Variants in ISX observed in about 807,000 individuals in gnomAD.
ISX encodes the protein intestine-specific homeobox.
In ISX, 15 loss-of-function variants were observed where a neutral mutation model predicts 16.9. The observed-to-expected ratio is 0.89, with a 90% CI of 0.59 to 1.36. ISX has a LOEUF of 1.36. ISX is among the 40% of genes most tolerant of loss of function. The probability of loss-of-function intolerance (pLI) is 0.00; values close to 1 mark genes in which losing one functional copy is unlikely to be tolerated. For missense variants in ISX, 316 were observed against 306.1 expected, an observed-to-expected ratio of 1.03 and a Z score of -0.24; for synonymous variants, 125 against 119.7, an observed-to-expected ratio of 1.04 and a Z score of -0.29.
In ISX at chr22:35,082,504, C is replaced by T. The variant is rs374117509; in HGVS notation, c.230-14C>T. 2 of 1,613,122 alleles carry T rather than the reference C, an allele frequency of 1.2e-6. No individual in the cohort carries two copies. The highest frequency in any genetic ancestry group is 1.7e-6 in the Non-Finnish European group (2 of 1,179,424). ...CCAAGGCCACTGACACAACTTGGAC[C>T]CTCTCCCATGCAGAAGGAAGGAAGA... On this transcript the variant is annotated splice_polypyrimidine_tract_variant and intron_variant, in intron 2 of 4. Coordinates refer to ENST00000404699, the MANE Select transcript of ISX (RefSeq NM_001303508.2).
At chr22:35,080,084 C>A (rs1929088596) in intron 2 of ISX, among the ~76,000 whole-genome samples, 1 of 152,160 alleles carries the variant, frequency 6.6e-6, no homozygotes, top group South Asian at 2.1e-4. Context: ...GCTGACTGTG[C>A]CTTCTTTCAG....
At chr22:35,067,400 A>G (rs1205530809) in intron 2 of ISX, 84 bp downstream of exon 2, 5 of 927,224 alleles carry the variant, frequency 5.4e-6, no homozygotes, top group African/African-American at 3.4e-5. Context: ...TTCTCCGTCC[A>G]TATTAACTGG....
At chr22:35,076,474 T>G (rs1601558770) in intron 2 of ISX, among the ~76,000 whole-genome samples, 1 of 151,406 alleles carries the variant, frequency 6.6e-6, no homozygotes, top group South Asian at 2.1e-4. Context: ...CCAGCGCAGG[T>G]GGGCCATGGG....
chr22:35,071,830 T>C (rs1442349916), intron 2 of ISX, among the ~76,000 whole-genome samples: 1 of 152,134 alleles, frequency 6.6e-6, no homozygotes, highest in African/African-American at 2.4e-5. Flanking sequence ...TCCCTGTTCC[T>C]CACTTCTTTC....
At chr22:35,069,111 T>C (rs571912042) in intron 2 of ISX, among the ~76,000 whole-genome samples, 29 of 152,362 alleles carry the variant, frequency 1.9e-4, no homozygotes, top group African/African-American at 7.0e-4. Flanking sequence ...TCAATAGTCC[T>C]GTAATTACTT....
At chr22:35,069,559 C>G (rs750533683) in intron 2 of ISX, among the ~76,000 whole-genome samples, 7 of 152,180 alleles carry the variant, frequency 4.6e-5, no homozygotes, top group Admixed American at 1.3e-4. Context: ...GCAGGATTCC[C>G]TTGTGGTGAT....
At chr22:35,077,057 AC>A (rs2146291718) in intron 2 of ISX, among the ~76,000 whole-genome samples, 1 of 151,852 alleles carries the variant, frequency 6.6e-6, no homozygotes, top group East Asian at 1.9e-4. Flanking sequence ...GGGTTTTCTC[AC>A]TCCTGATCCA....
intron 2 of ISX, among the ~76,000 whole-genome samples, chr22:35,074,482 G>A (rs1928932097): frequency 6.6e-6 from 1 of 152,176 alleles, no homozygotes; most frequent in Non-Finnish European, 1.5e-5. Context: ...TTTATCAGTA[G>A]TGTGTTGCTA....
rs138420595 is a variant in ISX, at chr22:35,067,106, C to A, written c.19C>A (p.Pro7Thr). Residue 7 changes from proline to threonine, a missense_variant, in exon 2 of 5, where the codon CCT becomes ACT. Coordinates refer to ENST00000404699, the MANE Select transcript of ISX (RefSeq NM_001303508.2). Reference sequence around the variant, plus strand: ...CCCCTCAATGTGTGCTGAGGTGGGCCCTGCTCTCTGCAGGGGTATGGAGAG... The same window carrying A: ...CCCCTCAATGTGTGCTGAGGTGGGCACTGCTCTCTGCAGGGGTATGGAGAG... MCAEVG[P>T]ALCRGMERNS... 4 of 1,613,664 alleles carry A rather than the reference C, an allele frequency of 2.5e-6. No homozygotes were observed. The highest frequency in any genetic ancestry group is 8.5e-7 in the Non-Finnish European group (1 of 1,179,930).
chr22:35,075,451 G>A (rs940927038), intron 2 of ISX, among the ~76,000 whole-genome samples: 2 of 152,148 alleles, frequency 1.3e-5, no homozygotes, highest in African/African-American at 4.8e-5. Flanking sequence ...TCATTGAGAT[G>A]CATGACCAGA....
intron 2 of ISX, among the ~76,000 whole-genome samples, chr22:35,082,033 T>C (rs951421974): frequency 3.3e-5 from 5 of 152,232 alleles, no homozygotes; most frequent in Non-Finnish European, 7.3e-5. Context: ...ACTTTTTCTA[T>C]GAAGAACCAG....
rs771940442 is a variant in ISX, at chr22:35,082,715, C to CATA, written c.381+46_381+47insATA. On this transcript the variant is annotated intron_variant, in intron 3 of 4. Transcript: ENST00000404699. The stretch of plus-strand genomic sequence containing the variant: ...GCCCCCAGCCTCCATGCCCTTGGGA[C>CATA]CATGTGTGAGACACAATATATCCAG... The CATA allele has an allele frequency of 8.1e-6, 13 of 1,602,846 alleles. No individual in the cohort carries two copies. In the East Asian group the frequency reaches 2.9e-4, roughly 36 times the overall value.
rs1300702569 is a variant in ISX, at chr22:35,067,017, CA to C, written c.-70del. ...CGCGCCCTCTTGACCCCAGGAGGTTCAGGGGAGGAAGTACGCCACTCTCCAC... is the reference window on the plus strand; with the variant it reads ...CGCGCCCTCTTGACCCCAGGAGGTTCGGGGAGGAAGTACGCCACTCTCCAC... On this transcript the variant is annotated 5_prime_UTR_variant, in exon 2 of 5. Transcript: ENST00000404699. 1.7e-6 allele frequency: 2 copies of C among 1,196,288 alleles called. No individual in the cohort carries two copies. Among genetic ancestry groups the C allele is most frequent in the Non-Finnish European group, 2.4e-6 (2 of 827,146 alleles). The allele number at this position is 1,196,288 out of a possible 1,614,324, so 74.1% of individuals were successfully genotyped here.
At chr22:35,067,389 C>T (rs1928733093) in intron 2 of ISX, 73 bp downstream of exon 2, 1 of 1,058,114 alleles carries the variant, frequency 9.5e-7, no homozygotes, top group Non-Finnish European at 1.4e-6. Flanking sequence ...AGAGAAAAAG[C>T]TTCTCCGTCC....
intron 2 of ISX, among the ~76,000 whole-genome samples, chr22:35,078,545 C>G (rs146539699): frequency 7.8e-4 from 119 of 152,294 alleles, no homozygotes; most frequent in African/African-American, 2.7e-3. Flanking sequence ...AGATGAGGCT[C>G]TCCTACAGAG....
chr22:35,084,250 T>C, intron 3 of ISX, 133 bp from the exon 4 acceptor site: 1 of 600,212 alleles, frequency 1.7e-6, no homozygotes, highest in Non-Finnish European at 2.9e-6. Context: ...TCCAAAGACA[T>C]CCTGGATGCC....
At chr22:35,078,644 CAAT>C (rs68184162) in intron 2 of ISX, among the ~76,000 whole-genome samples, 64,087 of 151,532 alleles carry the variant, frequency 0.42, 14,208 homozygotes, top group Non-Finnish European at 0.5. Context: ...CAAAAATCCA[CAAT>C]AGTGAGCGAA....
Position 35,084,211 on chromosome 22 carries a change from G to A in ISX, c.382-172G>A, listed in dbSNP as rs1046623651. On this transcript the variant is annotated intron_variant, in intron 3 of 4. Transcript: ENST00000404699. ...TGTAGGCATTGAAGGTGGAAACCCC[G>A]GTTCCCTCTCAGAAAGCTGACCTCC... Among the ~76,000 whole-genome samples the A allele has an allele frequency of 5.3e-5, 8 of 152,224 alleles. No homozygotes were observed. The South Asian group carries it at 6.2e-4, about 12-fold the overall frequency.
At chr22:35,080,502 A>G (rs1483354830) in intron 2 of ISX, among the ~76,000 whole-genome samples, 3 of 152,142 alleles carry the variant, frequency 2.0e-5, no homozygotes, top group Non-Finnish European at 2.9e-5. Flanking sequence ...GGTTTATCTC[A>G]GCCAAAAGAT....
Sources: gnomAD v4.1 joint callset for allele counts (sites outside exome capture counted in the v4.1 genomes callset) on GRCh38, gnomAD v4.1.1 for gene constraint, MANE v1.5 for transcripts, NCBI Gene and HGNC (gene_info 2026-07-23, HGNC 2026-07-21) for gene names.